The following ADISSP variants were observed in gnomAD, a reference collection of about 807,000 sequenced individuals.
The protein encoded by ADISSP is adipose secreted signaling protein.
the ADISSP span, among the ~76,000 whole-genome samples, chr20:3,762,200 A>G: frequency 6.6e-6 from 1 of 151,978 alleles, no homozygotes. Flanking sequence ...TGAATCCGGA[A>G]GGCGGAGGTT....
chr20:3,755,635 G>T, the ADISSP span: 1 of 1,570,602 alleles, frequency 6.4e-7, no homozygotes, highest in Non-Finnish European at 8.7e-7. Flanking sequence ...AGGGAGGGAG[G>T]CACCTTCACT....
chr20:3,755,500 G>C, the ADISSP span: 7 of 1,612,602 alleles, frequency 4.3e-6, no homozygotes, highest in South Asian at 6.6e-5. Flanking sequence ...TGAGGAGCTT[G>C]AGGTGCAGGC....
At chr20:3,754,204 AC>A in the ADISSP span, 1 of 1,566,820 alleles carries the variant, frequency 6.4e-7, no homozygotes. Flanking sequence ...CCCCGGCCCC[AC>A]CCATGCGGCC....
the ADISSP span, among the ~76,000 whole-genome samples, chr20:3,766,990 C>T: frequency 3.3e-5 from 5 of 152,086 alleles, no homozygotes; most frequent in Admixed American, 3.3e-4. Context: ...GGAGGTGCAG[C>T]CCAAGCCCCC....
chr20:3,766,091 A>C, the ADISSP span, among the ~76,000 whole-genome samples: 43 of 152,252 alleles, frequency 2.8e-4, no homozygotes, highest in Middle Eastern at 3.4e-3. Context: ...GGAACTCCGC[A>C]ACCTTCCACC....
At chr20:3,759,343 A>G in the ADISSP span, among the ~76,000 whole-genome samples, 1 of 152,184 alleles carries the variant, frequency 6.6e-6, no homozygotes, top group African/African-American at 2.4e-5. The surrounding 1 kb of genome is among the most constrained non-coding windows in gnomAD (Gnocchi z 4.6). Flanking sequence ...CTAGCCCACC[A>G]TCAAGGCCCT....
chr20:3,758,086 G>T, the ADISSP span, among the ~76,000 whole-genome samples: 16 of 152,282 alleles, frequency 1.1e-4, no homozygotes, highest in Admixed American at 2.6e-4. The surrounding 1 kb of genome is among the most constrained non-coding windows in gnomAD (Gnocchi z 5.5). Flanking sequence ...TAAAAAAAAA[G>T]TTGCACCTTG....
chr20:3,761,491 A>C, the ADISSP span, among the ~76,000 whole-genome samples: 1 of 152,084 alleles, frequency 6.6e-6, no homozygotes, highest in Non-Finnish European at 1.5e-5. Flanking sequence ...GCCCGCCACC[A>C]CGCCTAGCTA....
chr20:3,760,620 C>T, the ADISSP span, among the ~76,000 whole-genome samples: 1 of 152,218 alleles, frequency 6.6e-6, no homozygotes, highest in Non-Finnish European at 1.5e-5. Flanking sequence ...CAGCTGGGTG[C>T]GGTCAGAGGC....
chr20:3,755,383 G>T, the ADISSP span: 3 of 1,329,944 alleles, frequency 2.3e-6, no homozygotes, highest in Non-Finnish European at 3.2e-6. Flanking sequence ...TTGCTGAGCT[G>T]CCCATCCACC....
chr20:3,762,204 G>A, the ADISSP span, among the ~76,000 whole-genome samples: 4 of 151,982 alleles, frequency 2.6e-5, no homozygotes, highest in African/African-American at 4.8e-5. Context: ...TCCGGAAGGC[G>A]GAGGTTGCAG....
At chr20:3,758,145 C>T in the ADISSP span, among the ~76,000 whole-genome samples, 36 of 152,318 alleles carry the variant, frequency 2.4e-4, no homozygotes, top group Admixed American at 2.0e-3. The surrounding 1 kb of genome is among the most constrained non-coding windows in gnomAD (Gnocchi z 5.5). Flanking sequence ...TACATTCTTC[C>T]ATTCTCACAC....
chr20:3,763,280 G>A, the ADISSP span, among the ~76,000 whole-genome samples: 23 of 146,168 alleles, frequency 1.6e-4, no homozygotes, highest in African/African-American at 5.1e-4. Context: ...AAAAAAGGCC[G>A]GGTGAGGTGG....
chr20:3,755,616 G>A, the ADISSP span: 29 of 1,589,952 alleles, frequency 1.8e-5, no homozygotes, highest in African/African-American at 3.6e-4. Context: ...ACCTACAGCA[G>A]GAGAGGTGAG....
At chr20:3,753,963 G>A in the ADISSP span, 39 of 946,004 alleles carry the variant, frequency 4.1e-5, no homozygotes, top group Non-Finnish European at 6.1e-5. Context: ...ACCCACCCCA[G>A]AGAGGGGCGA....
chr20:3,753,814 G>A, the ADISSP span: 7 of 569,346 alleles, frequency 1.2e-5, no homozygotes, highest in African/African-American at 5.7e-5. Context: ...GCCTCCTTTC[G>A]GGCTCAACCC....
the ADISSP span, chr20:3,753,849 C>T: frequency 4.7e-5 from 28 of 599,008 alleles, no homozygotes; most frequent in Non-Finnish European, 7.8e-5. Context: ...GAGACTGAGG[C>T]ACACAGAGAG....
the ADISSP span, chr20:3,754,525 C>A: frequency 1.2e-6 from 2 of 1,606,186 alleles, no homozygotes; most frequent in Non-Finnish European, 1.7e-6. Context: ...ATAACCTGCC[C>A]GGGGACAGGG....
the ADISSP span, among the ~76,000 whole-genome samples, chr20:3,761,470 G>A: frequency 4.5e-3 from 684 of 152,212 alleles, 4 homozygotes; most frequent in African/African-American, 0.016. Flanking sequence ...CGAGTAGCTG[G>A]GACTACAGGC....
Sources: gnomAD v4.1 joint callset for allele counts (sites outside exome capture counted in the v4.1 genomes callset) on GRCh38, gnomAD v4.1.1 for gene constraint, Gnocchi (gnomAD v3.1) non-coding constraint, MANE v1.5 for transcripts, NCBI Gene and HGNC (gene_info 2026-07-23, HGNC 2026-07-21) for gene names.